CKAP5: variants seen among roughly 807,000 people sequenced by gnomAD.
CKAP5 encodes the protein cytoskeleton-associated protein 5.
CKAP5 carries 27 observed loss-of-function variants against 232.8 expected under a neutral mutation model. The ratio of observed to expected loss-of-function variants is 0.12; its 90% confidence interval spans 0.09 to 0.16. The LOEUF (loss-of-function observed/expected upper bound fraction) is 0.16. CKAP5 is among the 10% of genes least tolerant of loss of function. CKAP5 has a pLI of 1.00. For missense variants in CKAP5, 1,838 were observed against 2,424.7 expected, an observed-to-expected ratio of 0.76 and a Z score of 5.08; for synonymous variants, 785 against 841.1, an observed-to-expected ratio of 0.93 and a Z score of 1.16.
intron 24 of CKAP5, among the ~76,000 whole-genome samples, chr11:46,774,711 C>T (rs932761407): frequency 1.3e-5 from 2 of 152,064 alleles, no homozygotes; most frequent in Non-Finnish European, 2.9e-5. Context: ...TGATCTTTGA[C>T]AAATCTGACA....
Position 46,788,601 on chromosome 11 carries a change from T to C in CKAP5, c.1968+80A>G, listed in dbSNP as rs534019995. 9 of 836,970 alleles carry C rather than the reference T, an allele frequency of 1.1e-5. No individual in the cohort carries two copies. The East Asian group carries it at 1.9e-4, about 18-fold the overall frequency. 51.8% of individuals were successfully genotyped at this position (836,970 alleles called of 1,614,324 possible). A position where few individuals can be genotyped will look rare whatever the true frequency, so the allele number is the denominator to read the frequency against. ...AAAAAAAAAAAATCATTACGAAAACTATTCTGCTGTATTACTCCATAGGAT... is the reference window on the plus strand; with the variant it reads ...AAAAAAAAAAAATCATTACGAAAACCATTCTGCTGTATTACTCCATAGGAT... On this transcript the variant is annotated intron_variant, in intron 16 of 43. Coordinates refer to ENST00000529230, the MANE Select transcript of CKAP5 (RefSeq NM_001008938.4).
At chr11:46,767,709 C>T in intron 26 of CKAP5, 46 bp from the exon 27 acceptor site, 1 of 1,208,826 alleles carries the variant, frequency 8.3e-7, no homozygotes, top group South Asian at 1.4e-5. Flanking sequence ...TAACTAATAT[C>T]ATTTTATTTT....
At chr11:46,802,027 A>T (rs758395441) in intron 8 of CKAP5, 1 of 152,224 alleles carries the variant, frequency 6.6e-6, no homozygotes, top group Non-Finnish European at 1.5e-5. Context: ...ATAACCAAGA[A>T]GCACCAGTAC....
chr11:46,764,874 A>T (rs973585637), intron 28 of CKAP5, among the ~76,000 whole-genome samples: 8 of 2,016 alleles, frequency 4.0e-3, no homozygotes, highest in Admixed American at 0.038. Flanking sequence ...CCAATTAATT[A>T]AAAAAAAAAA....
chr11:46,815,773 T>C (rs1939384642), intron 4 of CKAP5, among the ~76,000 whole-genome samples: 1 of 152,212 alleles, frequency 6.6e-6, no homozygotes, highest in Non-Finnish European at 1.5e-5. Context: ...TGTTTTGGCA[T>C]GCCAAGTCAA....
In CKAP5 at chr11:46,743,158, A is replaced by G. The variant is rs1011452224; in HGVS notation, c.*865T>C. On this transcript the variant is annotated 3_prime_UTR_variant, in exon 44 of 44. Coordinates refer to ENST00000529230, the MANE Select transcript of CKAP5 (RefSeq NM_001008938.4). ...AAACTCCATTAGTCAAATGAACACA[A>G]ATCTAGTTGTAGTGTGAGAACCACT... 2 of 152,148 alleles carry G rather than the reference A, an allele frequency of 1.3e-5. No individual in the cohort carries two copies. The highest frequency in any genetic ancestry group is 4.8e-5 in the African/African-American group (2 of 41,430). The allele number at this position is 152,148 out of a possible 1,614,324, so 9.4% of individuals were successfully genotyped here.
intron 42 of CKAP5, among the ~76,000 whole-genome samples, chr11:46,748,743 C>A (rs949448425): frequency 6.6e-6 from 1 of 151,936 alleles, no homozygotes; most frequent in Non-Finnish European, 1.5e-5. Flanking sequence ...CACTCCAGCC[C>A]GAGCAACAGA....
chr11:46,819,293 C>T (rs1460087121), intron 2 of CKAP5, among the ~76,000 whole-genome samples: 1 of 152,048 alleles, frequency 6.6e-6, no homozygotes, highest in Non-Finnish European at 1.5e-5. Flanking sequence ...TACTCCAAGG[C>T]CCTATGGCAG....
chr11:46,749,987 G>T (rs975636283), intron 42 of CKAP5, among the ~76,000 whole-genome samples: 2 of 151,682 alleles, frequency 1.3e-5, no homozygotes, highest in African/African-American at 4.8e-5. Context: ...AGGCCAAGAA[G>T]GAATAGCCAG....
In CKAP5 at chr11:46,833,381, G is replaced by A. The variant is rs115241677; in HGVS notation, c.-37-12113C>T. Among the ~76,000 whole-genome samples the A allele has an allele frequency of 1.4e-3, 219 of 152,216 alleles. 1 individual carries two copies. The highest frequency in any genetic ancestry group is 4.5e-3 in the African/African-American group (187 of 41,534). ...AGGGTCAAATTAAACAAATCCAGTG[G>A]ATTTTATGCAAGTAAGTAGTAGTAT... On this transcript the variant is annotated intron_variant, in intron 1 of 43. Coordinates refer to ENST00000529230, the MANE Select transcript of CKAP5 (RefSeq NM_001008938.4).
chr11:46,753,257 G>A (rs2065083784), intron 37 of CKAP5, 53 bp downstream of exon 37: 1 of 1,435,970 alleles, frequency 7.0e-7, no homozygotes, highest in South Asian at 1.3e-5. Context: ...GTTTCTAAGT[G>A]TAAACAAAAG....
intron 8 of CKAP5, among the ~76,000 whole-genome samples, chr11:46,804,287 C>G (rs1939103709): frequency 6.6e-6 from 1 of 152,198 alleles, no homozygotes; most frequent in Admixed American, 6.5e-5. Flanking sequence ...CTGTCACACT[C>G]ATTGACACTC....
At chr11:46,747,759 C>T (rs1302889107) in intron 42 of CKAP5, among the ~76,000 whole-genome samples, 1 of 151,860 alleles carries the variant, frequency 6.6e-6, no homozygotes, top group Non-Finnish European at 1.5e-5. Context: ...CTGGTGTGTT[C>T]CAGAAACAAC....
chr11:46,744,843 T>TC (rs1193468018), intron 42 of CKAP5, among the ~76,000 whole-genome samples: 1 of 152,158 alleles, frequency 6.6e-6, no homozygotes, highest in East Asian at 1.9e-4. Flanking sequence ...GGGATTGTAC[T>TC]CCAGTAATCC....
chr11:46,747,335 A>G (rs1481470310), intron 42 of CKAP5, among the ~76,000 whole-genome samples: 3 of 152,092 alleles, frequency 2.0e-5, no homozygotes, highest in Non-Finnish European at 4.4e-5. Context: ...GGCCAGGCAC[A>G]GTGGCTCATG....
chr11:46,818,346 G>C lies in CKAP5; in HGVS notation c.215C>G (p.Ala72Gly). The C allele has an allele frequency of 1.3e-6, 2 of 1,599,862 alleles. No homozygotes were observed. The highest frequency in any genetic ancestry group is 3.3e-4 in the Middle Eastern group (2 of 5,996). Residue 72 changes from alanine to glycine, a missense_variant, in exon 3 of 44, where the codon GCA becomes GGA. Coordinates refer to ENST00000529230, the MANE Select transcript of CKAP5 (RefSeq NM_001008938.4). The part of the protein sequence containing the change: ...AVVQLKGLEA[A>G]LVYVENAHVA... ...ATGGGCATTTTCAACATAAACAAGT[G>C]CAGCTTCTAATCCTTTCAATTGAAC...
chr11:46,762,564 A>C, intron 31 of CKAP5, 63 bp downstream of exon 31: 1 of 1,584,750 alleles, frequency 6.3e-7, no homozygotes, highest in Non-Finnish European at 8.7e-7. Flanking sequence ...TCATCTATAA[A>C]CTATTTCTTC....
chr11:46,744,124 T>C lies in CKAP5; in HGVS notation c.5998A>G (p.Asn2000Asp), dbSNP rs368102935. The C allele has an allele frequency of 1.9e-6, 3 of 1,614,148 alleles. No individual in the cohort carries two copies. Among genetic ancestry groups the C allele is most frequent in the Non-Finnish European group, 1.7e-6 (2 of 1,180,030 alleles). Residue 2000 changes from asparagine (N) to aspartate (D), a missense_variant, in exon 44 of 44, where the codon AAC becomes GAC. This residue lies in a region of CKAP5 where 62 missense variants were observed against 61.1 expected (regional missense o/e 1.01). Coordinates refer to ENST00000529230, the MANE Select transcript of CKAP5 (RefSeq NM_001008938.4). Reference sequence around the variant, plus strand: ...ACAGTTCCTGAAGAGTGAGTCTGGTTAGAATCCAGGTCTGAATGCTGGTGC... The same window carrying C: ...ACAGTTCCTGAAGAGTGAGTCTGGTCAGAATCCAGGTCTGAATGCTGGTGC... ...EQHQHSDLDS[N>D]QTHSSGTVTS...
At position 46,818,398 on chromosome 11, in the gene CKAP5, T is replaced by C. The variant is rs1186483602; in HGVS notation, c.163A>G (p.Lys55Glu). ...ACTGCATTGGAATCAGTGACAAATT[T>C]TTTGATCAATCCTAAAAATTTGGAC... is the stretch of plus-strand genomic sequence containing the variant. ...EWSKFLGLIK[K>E]FVTDSNAVVQ... Residue 55 changes from lysine (K) to glutamate (E), a missense_variant, in exon 3 of 44, where the codon AAA becomes GAA. Lys to Glu is a moderately conservative substitution (Grantham distance 56). Around this residue, in one of 6 missense-constraint regions of CKAP5, gnomAD observed 285 missense variants for 300.0 expected, o/e 0.95. Coordinates refer to ENST00000529230, the MANE Select transcript of CKAP5 (RefSeq NM_001008938.4). The C allele has an allele frequency of 9.3e-6, 15 of 1,612,150 alleles. No individual in the cohort carries two copies. Among genetic ancestry groups the C allele is most frequent in the Non-Finnish European group, 1.3e-5 (15 of 1,179,304 alleles).
Sources: allele counts gnomAD v4.1 joint callset (sites outside exome capture counted in the v4.1 genomes callset), GRCh38; gene constraint gnomAD v4.1.1; regional missense constraint gnomAD v4.1.1; transcripts MANE v1.5; gene names NCBI Gene and HGNC (gene_info 2026-07-23, HGNC 2026-07-21).